CERS6: variants seen among roughly 807,000 people sequenced by gnomAD.
CERS6 encodes ceramide synthase 6.
A neutral mutation model predicts 56.8 loss-of-function variants in CERS6; 26 were observed. The observed-to-expected ratio is 0.46, with a 90% confidence interval of 0.34 to 0.63. The LOEUF (loss-of-function observed/expected upper bound fraction) is 0.63, where lower values mean the gene tolerates loss of function less well. CERS6 is among the 30% of genes least tolerant of loss of function. The pLI is 0.01. For synonymous variants in CERS6, 164 were observed against 173.3 expected, an observed-to-expected ratio of 0.95 and a Z score of 0.42; for missense variants, 415 against 467.5, an observed-to-expected ratio of 0.89 and a Z score of 1.04.
At chr2:168,625,030 T>C (rs898406172) in intron 3 of CERS6, among the ~76,000 whole-genome samples, 4 of 152,210 alleles carry the variant, frequency 2.6e-5, no homozygotes, top group Non-Finnish European at 5.9e-5. Flanking sequence ...CAGTGATTTA[T>C]ATTGTGTTAA....
intron 8 of CERS6, among the ~76,000 whole-genome samples, chr2:168,733,252 G>A (rs1227086518): frequency 6.6e-6 from 1 of 152,222 alleles, no homozygotes; most frequent in East Asian, 1.9e-4. Context: ...GGCACTTTTT[G>A]TGCTTGTAGA....
chr2:168,723,399 C>T (rs1002885464), intron 8 of CERS6, among the ~76,000 whole-genome samples: 7 of 152,148 alleles, frequency 4.6e-5, no homozygotes, highest in Admixed American at 2.6e-4. Context: ...CTGTTCTGTA[C>T]CTCAGCCCAG....
chr2:168,571,281 G>A (rs1220377349), intron 3 of CERS6, among the ~76,000 whole-genome samples: 2 of 151,742 alleles, frequency 1.3e-5, no homozygotes, highest in Non-Finnish European at 2.9e-5. Flanking sequence ...TTTCCTCCTG[G>A]CTATTCGCCT....
intron 1 of CERS6, among the ~76,000 whole-genome samples, chr2:168,465,919 A>G (rs1336412001): frequency 2.0e-5 from 3 of 152,236 alleles, no homozygotes; most frequent in East Asian, 1.9e-4. Context: ...AAAGGTCACT[A>G]GAAATTACTG....
chr2:168,759,592 T>C (rs1235139079), intron 8 of CERS6, among the ~76,000 whole-genome samples: 1 of 152,182 alleles, frequency 6.6e-6, no homozygotes, highest in East Asian at 1.9e-4. Context: ...TGCTTAGCCT[T>C]GGTGGGTGAT....
At chr2:168,664,982 G>C (rs1272928861) in intron 4 of CERS6, among the ~76,000 whole-genome samples, 2 of 152,134 alleles carry the variant, frequency 1.3e-5, no homozygotes, top group Non-Finnish European at 2.9e-5. Context: ...TACCTGCCCT[G>C]GATCACTGTC....
At chr2:168,500,078 A>G (rs1694552847) in intron 1 of CERS6, among the ~76,000 whole-genome samples, 1 of 152,160 alleles carries the variant, frequency 6.6e-6, no homozygotes, top group Non-Finnish European at 1.5e-5. Flanking sequence ...CCCCAAGAGT[A>G]TGTTCTTTGA....
At chr2:168,600,484 G>T (rs1229151878) in intron 3 of CERS6, among the ~76,000 whole-genome samples, 2 of 152,174 alleles carry the variant, frequency 1.3e-5, no homozygotes, top group African/African-American at 4.8e-5. Flanking sequence ...GATTACAGGC[G>T]TGAGCCACCA....
At chr2:168,660,074 G>A (rs530437410) in intron 4 of CERS6, among the ~76,000 whole-genome samples, 2 of 152,320 alleles carry the variant, frequency 1.3e-5, no homozygotes, top group African/African-American at 4.8e-5. Flanking sequence ...TTAAGTGACT[G>A]TGGAATATAA....
At chr2:168,606,431 G>T (rs934242847) in intron 3 of CERS6, 1 of 152,162 alleles carries the variant, frequency 6.6e-6, no homozygotes, top group Admixed American at 6.5e-5. Flanking sequence ...TCATCCTTGT[G>T]CAGGGGCCAT....
At chr2:168,748,647 C>T (rs1388856744) in intron 8 of CERS6, among the ~76,000 whole-genome samples, 1 of 152,116 alleles carries the variant, frequency 6.6e-6, no homozygotes, top group African/African-American at 2.4e-5. Context: ...TGTGCCTGTC[C>T]AAGGCTTGCC....
intron 3 of CERS6, among the ~76,000 whole-genome samples, chr2:168,593,111 A>G (rs1167579907): frequency 1.3e-5 from 2 of 151,730 alleles, no homozygotes; most frequent in Admixed American, 6.6e-5. Context: ...TCTCTATGAC[A>G]CTCCTATTTC....
rs1685641290 is a variant in CERS6, at chr2:168,661,961, G to A, written c.466-29073G>A. On this transcript the variant is annotated intron_variant, in intron 4 of 9. Transcript: ENST00000305747. Reference sequence around the variant, plus strand: ...AATTTATACCAAAAGATTTATGAAAGTAGATTGGCTTACAGACATATTGCA... The same window carrying A: ...AATTTATACCAAAAGATTTATGAAAATAGATTGGCTTACAGACATATTGCA... Among the ~76,000 whole-genome samples the A allele has an allele frequency of 3.3e-5, 5 of 152,192 alleles. No individual in the cohort carries two copies. In the South Asian group the frequency reaches 1.0e-3, roughly 32 times the overall value.
intron 3 of CERS6, among the ~76,000 whole-genome samples, chr2:168,584,029 A>G (rs1206685025): frequency 6.6e-6 from 1 of 152,218 alleles, no homozygotes; most frequent in East Asian, 1.9e-4. Context: ...CATTGGGTAG[A>G]TGATTTTACC....
At chr2:168,587,713 A>G (rs988092000) in intron 3 of CERS6, among the ~76,000 whole-genome samples, 1 of 151,828 alleles carries the variant, frequency 6.6e-6, no homozygotes, top group African/African-American at 2.4e-5. Context: ...TGTGATTAAT[A>G]TGTAATACAA....
chr2:168,500,100 A>G (rs1270347489), intron 1 of CERS6, among the ~76,000 whole-genome samples: 1 of 152,180 alleles, frequency 6.6e-6, no homozygotes, highest in Non-Finnish European at 1.5e-5. Context: ...GGACTCATTC[A>G]TAGGAAGTGC....
chr2:168,666,377 T>C (rs1394234102), intron 4 of CERS6, among the ~76,000 whole-genome samples: 3 of 152,190 alleles, frequency 2.0e-5, no homozygotes, highest in African/African-American at 7.2e-5. Context: ...AAGTTTTACC[T>C]TTTTCAGAAT....
At chr2:168,510,030 C>A (rs868750505) in intron 1 of CERS6, among the ~76,000 whole-genome samples, 28 of 149,802 alleles carry the variant, frequency 1.9e-4, no homozygotes, top group Middle Eastern at 3.5e-3. Context: ...AATATAATCA[C>A]AAGAAAAATT....
chr2:168,668,975 T>C (rs75266815), intron 4 of CERS6, among the ~76,000 whole-genome samples: 2,835 of 152,282 alleles, frequency 0.019, 115 homozygotes, highest in East Asian at 0.16. Flanking sequence ...CTGTAAACCA[T>C]TGAAATCTTT....
Sources: gnomAD v4.1 joint callset for allele counts (sites outside exome capture counted in the v4.1 genomes callset) on GRCh38, gnomAD v4.1.1 for gene constraint, MANE v1.5 for transcripts, NCBI Gene and HGNC (gene_info 2026-07-23, HGNC 2026-07-21) for gene names.